The following CCDC141 variants were observed in gnomAD, a reference collection of about 807,000 sequenced individuals.
CCDC141 encodes coiled-coil domain-containing protein 141.
CCDC141 carries 168 observed loss-of-function variants against 181.0 expected under a neutral mutation model. That is an observed-to-expected ratio of 0.93 (90% CI 0.82 to 1.05). The LOEUF (loss-of-function observed/expected upper bound fraction) is 1.05, where lower values mean the gene tolerates loss of function less well. CCDC141 is among the 50% of genes least tolerant of loss of function. The pLI, the probability that CCDC141 is intolerant of heterozygous loss-of-function variation, is 0.00. For synonymous variants in CCDC141, 666 were observed against 642.3 expected, an observed-to-expected ratio of 1.04 and a Z score of -0.56; for missense variants, 1,902 against 1,788.5, an observed-to-expected ratio of 1.06 and a Z score of -1.14.
chr2:178,970,577 C>G (rs1022235722), intron 4 of CCDC141, among the ~76,000 whole-genome samples: 3 of 152,150 alleles, frequency 2.0e-5, no homozygotes, highest in East Asian at 3.8e-4. Context: ...ATGCAGAAAA[C>G]AGAAACTGGA....
At chr2:178,945,666 A>C (rs533079788) in intron 5 of CCDC141, among the ~76,000 whole-genome samples, 2 of 152,290 alleles carry the variant, frequency 1.3e-5, no homozygotes, top group East Asian at 3.9e-4. Flanking sequence ...CAGCCCATTC[A>C]AAATAATGGG....
the CCDC141 span, among the ~76,000 whole-genome samples, chr2:178,818,098 T>C: frequency 6.6e-6 from 1 of 152,144 alleles, no homozygotes; most frequent in South Asian, 2.1e-4. Flanking sequence ...CCACCGCACC[T>C]GGCCCACATA....
intron 7 of CCDC141, among the ~76,000 whole-genome samples, chr2:178,917,870 C>A (rs1226278643): frequency 6.6e-6 from 1 of 152,160 alleles, no homozygotes; most frequent in Admixed American, 6.5e-5. Flanking sequence ...AAAGGCAAGA[C>A]CAAGGTGGAA....
At chr2:178,946,705 G>C (rs932543386) in intron 5 of CCDC141, among the ~76,000 whole-genome samples, 5 of 152,170 alleles carry the variant, frequency 3.3e-5, no homozygotes, top group Non-Finnish European at 7.4e-5. Flanking sequence ...AGTGATGAAA[G>C]CTGGGAAAGA....
chr2:178,966,978 C>T (rs1690668678), intron 4 of CCDC141, among the ~76,000 whole-genome samples: 1 of 151,488 alleles, frequency 6.6e-6, no homozygotes, highest in South Asian at 2.1e-4. Context: ...ATAGCTGAAT[C>T]GACCAAGCAG....
At chr2:179,048,362 G>A (rs1350801539) in intron 1 of CCDC141, among the ~76,000 whole-genome samples, 1 of 152,142 alleles carries the variant, frequency 6.6e-6, no homozygotes, top group Non-Finnish European at 1.5e-5. Context: ...TAAGGTAAGA[G>A]GGCTGAGGAG....
In CCDC141 at chr2:178,878,049, G is replaced by A. The variant is rs183079562; in HGVS notation, c.1814C>T (p.Ser605Leu). 46 of 1,613,584 alleles carry A rather than the reference G, an allele frequency of 2.9e-5. No homozygotes were observed. In the African/African-American group the frequency reaches 4.8e-4, roughly 17 times the overall value. Residue 605 changes from serine to leucine, a missense_variant, in exon 12 of 24, where the codon TCG (serine) becomes TTG (leucine). Coordinates refer to ENST00000443758, the MANE Select transcript of CCDC141 (RefSeq NM_173648.4). Reference protein sequence around the residue: ...DDAKAKHCSDSAEKQWQLFLK... With the variant: ...DDAKAKHCSDLAEKQWQLFLK... ...AAATAGCTGCCACTGCTTCTCAGCC[G>A]AGTCAGAACAATGCTTGGCTTTAGC...
At chr2:178,881,888 C>T (rs1011065772) in intron 11 of CCDC141, among the ~76,000 whole-genome samples, 1 of 109,786 alleles carries the variant, frequency 9.1e-6, no homozygotes, top group African/African-American at 3.9e-5. Flanking sequence ...GAGTGAGACC[C>T]TGTCTCTCTC....
Position 178,872,142 on chromosome 2 carries a change from T to C in CCDC141, c.2070A>G (p.Gln690=). 6.2e-7 allele frequency: 1 copy of C among 1,613,476 alleles called. No homozygotes were observed. The highest frequency in any genetic ancestry group is 8.5e-7 in the Non-Finnish European group (1 of 1,179,768). The change falls in exon 13 of 24, where the codon CAA becomes CAG. Residue 690 remains glutamine (Q), a synonymous_variant. Transcript: ENST00000443758. ...TTGTTCCTTGCCTCACCTTTTTAAG[T>C]TGCTCTTTGAATGCCGCCCACTGCT... ...GKQQWAAFKE[Q]LKKTSHNLKL... is the part of the protein sequence containing the mutation.
At position 178,885,041 on chromosome 2, in the gene CCDC141, C is replaced by A. The variant is rs1207809313; in HGVS notation, c.1579G>T (p.Glu527Ter). The A allele has an allele frequency of 6.5e-6, 10 of 1,550,272 alleles. No homozygotes were observed. Among genetic ancestry groups the A allele is most frequent in the East Asian group, 2.4e-5 (1 of 40,912 alleles). ...GATACCATTTCATCAGATACAAATT[C>A]ATTTTTCTCCATCATGGTTTTTGCA... is the stretch of plus-strand genomic sequence containing the variant. ...AAAKTMMEKN[E>*]FVSDEMVSLS... The change falls in exon 11 of 24, where the codon GAA becomes TAA. Residue 527 changes from glutamate to a stop codon, truncating the protein, a stop_gained. Coordinates refer to ENST00000443758, the MANE Select transcript of CCDC141 (RefSeq NM_173648.4). LOFTEE classifies it high-confidence loss of function.
the CCDC141 span, among the ~76,000 whole-genome samples, chr2:178,820,846 C>T: frequency 2.6e-5 from 4 of 152,182 alleles, no homozygotes; most frequent in South Asian, 6.2e-4. Context: ...GTACCATGTG[C>T]GTGGACATTT....
At chr2:179,044,142 C>T (rs762646833) in intron 2 of CCDC141, among the ~76,000 whole-genome samples, 11 of 152,012 alleles carry the variant, frequency 7.2e-5, no homozygotes, top group South Asian at 2.1e-4. Context: ...AACCACTGCT[C>T]GAAGAAATCA....
chr2:178,992,312 T>A (rs1395812389), intron 2 of CCDC141, among the ~76,000 whole-genome samples: 2 of 151,394 alleles, frequency 1.3e-5, no homozygotes, highest in East Asian at 3.9e-4. Context: ...GAGAAATTTT[T>A]ATATTTTTGC....
intron 2 of CCDC141, among the ~76,000 whole-genome samples, chr2:179,026,606 C>A (rs1186179043): frequency 6.6e-6 from 1 of 152,190 alleles, no homozygotes; most frequent in Non-Finnish European, 1.5e-5. Flanking sequence ...ACACAGAGTA[C>A]CCCCAGCAGC....
In CCDC141 at chr2:178,864,090, G is replaced by A. The variant is rs1256085643; in HGVS notation, c.2724+1677C>T. Among the ~76,000 whole-genome samples the A allele has an allele frequency of 2.0e-5, 3 of 152,322 alleles. No homozygotes were observed. In the South Asian group the frequency reaches 6.2e-4, roughly 32 times the overall value. ...GGAGCTAGAAACGGAGCCAGAGGGG[G>A]CTGGGAAAACCCCTCAGCCTGCTCC... On this transcript the variant is annotated intron_variant, in intron 17 of 23. Transcript: ENST00000443758.
intron 2 of CCDC141, among the ~76,000 whole-genome samples, chr2:178,992,896 T>A (rs911307442): frequency 6.6e-6 from 1 of 152,180 alleles, no homozygotes; most frequent in Admixed American, 6.5e-5. Flanking sequence ...TCCCCCTTTT[T>A]GTCGGCACTT....
intron 11 of CCDC141, among the ~76,000 whole-genome samples, chr2:178,884,221 T>A (rs1686761657): frequency 6.9e-6 from 1 of 145,452 alleles, no homozygotes. Context: ...CTTTGTATGG[T>A]GCCTTGAATA....
intron 2 of CCDC141, among the ~76,000 whole-genome samples, chr2:178,985,800 G>A (rs1382461824): frequency 6.6e-6 from 1 of 152,116 alleles, no homozygotes; most frequent in East Asian, 1.9e-4. Flanking sequence ...ACCAATAACA[G>A]GAGCTGAAAT....
intron 7 of CCDC141, among the ~76,000 whole-genome samples, chr2:178,914,610 G>A (rs966723451): frequency 6.6e-6 from 1 of 152,136 alleles, no homozygotes; most frequent in African/African-American, 2.4e-5. Context: ...AAAGGCAGTG[G>A]GGGAACTGTT....
Sources: allele counts gnomAD v4.1 joint callset (sites outside exome capture counted in the v4.1 genomes callset), GRCh38; gene constraint gnomAD v4.1.1; transcripts MANE v1.5; gene names NCBI Gene and HGNC (gene_info 2026-07-23, HGNC 2026-07-21).